Variants in ALG9 observed in about 807,000 individuals in gnomAD.
The protein encoded by ALG9 is ALG9 alpha-1,2-mannosyltransferase.
Under a neutral mutation model 81.8 loss-of-function variants are expected in ALG9, and 55 were observed. That is an observed-to-expected ratio of 0.67 (90% CI 0.54 to 0.84). ALG9 has a LOEUF of 0.84. Ranked by LOEUF, ALG9 falls within the 40% of genes least tolerant of loss-of-function variation. The pLI is 0.00. For missense variants in ALG9, 629 were observed against 745.0 expected, an observed-to-expected ratio of 0.84 and a Z score of 1.81; for synonymous variants, 278 against 274.3, an observed-to-expected ratio of 1.01 and a Z score of -0.13.
At chr11:111,848,937 A>G (rs1957332126) in intron 8 of ALG9, among the ~76,000 whole-genome samples, 1 of 152,164 alleles carries the variant, frequency 6.6e-6, no homozygotes, top group Non-Finnish European at 1.5e-5. Context: ...GTAGCACATA[A>G]AACACTGTCC....
At chr11:111,788,464 C>T (rs782312299) in intron 14 of ALG9, 4 of 453,918 alleles carry the variant, frequency 8.8e-6, no homozygotes, top group Non-Finnish European at 1.8e-5. Context: ...AAGTTAATGG[C>T]CAGGCACGGT....
At chr11:111,862,518 AAC>A (rs1960651095) in intron 4 of ALG9, among the ~76,000 whole-genome samples, 1 of 150,730 alleles carries the variant, frequency 6.6e-6, no homozygotes, top group African/African-American at 2.4e-5. Context: ...ACAGGCATAA[AAC>A]ACCGTGCCCA....
At chr11:111,844,347 G>C (rs903423230) in intron 9 of ALG9, among the ~76,000 whole-genome samples, 12 of 152,140 alleles carry the variant, frequency 7.9e-5, no homozygotes, top group Non-Finnish European at 1.6e-4. Flanking sequence ...CTGGGTGATT[G>C]TGTAAATTAT....
At chr11:111,791,378 G>A (rs1947382389) in intron 14 of ALG9, among the ~76,000 whole-genome samples, 1 of 152,212 alleles carries the variant, frequency 6.6e-6, no homozygotes, top group Admixed American at 6.5e-5. Flanking sequence ...GTAGGTAAGT[G>A]TATAAGCAGC....
Position 111,838,209 on chromosome 11 carries a change from G to T in ALG9, c.1324+40C>A, listed in dbSNP as rs782355439. The T allele has an allele frequency of 9.9e-6, 16 of 1,611,088 alleles. No homozygotes were observed. The African/African-American group carries it at 2.1e-4, about 22-fold the overall frequency. ...AATCAAGTAAAACCTAAGAGCAAGT[G>T]ACTCGTCAGTGTAGGTTAAGATATT... On this transcript the variant is annotated intron_variant, in intron 11 of 14. Coordinates refer to ENST00000616540, the MANE Select transcript of ALG9 (RefSeq NM_024740.2).
chr11:111,854,540 G>A (rs1464217709), intron 6 of ALG9, among the ~76,000 whole-genome samples: 1 of 152,062 alleles, frequency 6.6e-6, no homozygotes, highest in African/African-American at 2.4e-5. Context: ...CAAAGTGCTG[G>A]AATTACAGGC....
intron 4 of ALG9, among the ~76,000 whole-genome samples, chr11:111,862,239 CTTTTTTTTT>C (rs782528613): frequency 7.6e-6 from 1 of 131,388 alleles, no homozygotes; most frequent in African/African-American, 2.8e-5. Context: ...TCTTTTTTTT[CTTTTTTTTT>C]TTTTTTTTAG....
chr11:111,785,967 C>A lies in ALG9; in HGVS notation c.*430G>T, dbSNP rs1946415552. The A allele has an allele frequency of 2.2e-6, 1 of 451,588 alleles. No homozygotes were observed. The highest frequency in any genetic ancestry group is 4.4e-6 in the Non-Finnish European group (1 of 224,884). 28.0% of individuals were successfully genotyped at this position (451,588 alleles called of 1,614,324 possible). ...CTGCCAAACAGCTTTGGTGGAGAAG[C>A]CCATATGGCCTAAGAGAGGCTTGCT... On this transcript the variant is annotated 3_prime_UTR_variant, in exon 15 of 15. Coordinates refer to ENST00000616540, the MANE Select transcript of ALG9 (RefSeq NM_024740.2).
At chr11:111,848,538 C>T (rs980092168) in intron 8 of ALG9, among the ~76,000 whole-genome samples, 3 of 145,626 alleles carry the variant, frequency 2.1e-5, no homozygotes, top group South Asian at 4.3e-4. Flanking sequence ...TGCGGGGAGT[C>T]GAGGTCACCC....
Position 111,786,274 on chromosome 11 carries a change from G to C in ALG9, c.*123C>G. On this transcript the variant is annotated 3_prime_UTR_variant, in exon 15 of 15. Transcript: ENST00000616540. The stretch of plus-strand genomic sequence containing the variant: ...GACTTTGACTAGCCCAGAGCACCCA[G>C]ATTCCAGTATTCATGTCAGAAGACC... 1 of 1,471,550 alleles carries C rather than the reference G, an allele frequency of 6.8e-7. No individual in the cohort carries two copies. Among genetic ancestry groups the C allele is most frequent in the Non-Finnish European group, 9.5e-7 (1 of 1,054,610 alleles). 91.2% of individuals were successfully genotyped at this position (1,471,550 alleles called of 1,614,324 possible).
intron 8 of ALG9, among the ~76,000 whole-genome samples, chr11:111,850,724 A>AAAAAAAAAAAAAAAAAAAAAAAAC (rs71057091): frequency 6.9e-6 from 1 of 143,946 alleles, no homozygotes; most frequent in African/African-American, 2.6e-5. Context: ...AAAAAAAAAA[A>AAAAAAAAAAAAAAAAAAAAAAAAC]TCAGACAAAA....
At chr11:111,868,811 C>T in intron 2 of ALG9, 75 bp from the exon 3 acceptor site, 4 of 1,433,272 alleles carry the variant, frequency 2.8e-6, no homozygotes, top group Non-Finnish European at 3.7e-6. Context: ...AGTGAAGTTT[C>T]TGAGCAGAAA....
the ALG9 span, among the ~76,000 whole-genome samples, chr11:111,773,031 G>A: frequency 2.9e-3 from 435 of 151,788 alleles, 1 homozygote; most frequent in Non-Finnish European, 4.9e-3. Context: ...GAGGTCAGGA[G>A]ATCGAGACCA....
Position 111,865,206 on chromosome 11 carries a change from A to G in ALG9, c.451T>C (p.Cys151Arg). Reference sequence around the variant, plus strand: ...TTGTAAAAGTAAAGTTCACAAATACAGCTCACAAAAGCCAGAAGACATCGC... The same window carrying G: ...TTGTAAAAGTAAAGTTCACAAATACGGCTCACAAAAGCCAGAAGACATCGC... ...FLRCLLAFVS[C>R]ICELYFYKAV... Residue 151 changes from cysteine to arginine, a missense_variant, in exon 4 of 15, where the codon TGT becomes CGT. Physicochemically the swap from Cys to Arg is radical, Grantham distance 180. This residue lies in a region of ALG9 where 344 missense variants were observed against 390.5 expected (regional missense o/e 0.88). Transcript: ENST00000616540. 6.5e-7 allele frequency: 1 copy of G among 1,550,182 alleles called. No individual in the cohort carries two copies. The highest frequency in any genetic ancestry group is 8.7e-7 in the Non-Finnish European group (1 of 1,147,132).
intron 5 of ALG9, among the ~76,000 whole-genome samples, chr11:111,858,358 T>C (rs185369152): frequency 6.6e-6 from 1 of 152,340 alleles, no homozygotes; most frequent in East Asian, 1.9e-4. Flanking sequence ...CACCCCATGA[T>C]TATATTTCCA....
At chr11:111,813,661 C>A (rs550080213) in intron 13 of ALG9, among the ~76,000 whole-genome samples, 1 of 152,230 alleles carries the variant, frequency 6.6e-6, no homozygotes, top group Admixed American at 6.5e-5. Flanking sequence ...ATCAACAAGA[C>A]AAAGACAAAC....
At chr11:111,810,288 C>T (rs1337320000) in intron 13 of ALG9, among the ~76,000 whole-genome samples, 4 of 152,110 alleles carry the variant, frequency 2.6e-5, no homozygotes, top group South Asian at 2.1e-4. Context: ...GACATTGGAA[C>T]GGCTCCTGCA....
In ALG9 at chr11:111,868,683, T is replaced by G. The variant is rs782085471; in HGVS notation, c.324A>C (p.Ala108=). Residue 108 remains alanine (A), a synonymous_variant, in exon 3 of 15, where the codon GCA becomes GCC. Coordinates refer to ENST00000616540, the MANE Select transcript of ALG9 (RefSeq NM_024740.2). ...EGFQTWEYSP[A]YAIRSYAYLL... ...GGTAAGCATAGGAGCGAATGGCATA[T>G]GCTGGGGAATATTCCCAAGTCTGAA... 6.2e-6 allele frequency: 10 copies of G among 1,613,756 alleles called. No homozygotes were observed. Among genetic ancestry groups the G allele is most frequent in the Non-Finnish European group, 8.5e-6 (10 of 1,179,800 alleles).
At chr11:111,858,460 G>T (rs1434337296) in intron 5 of ALG9, among the ~76,000 whole-genome samples, 1 of 152,146 alleles carries the variant, frequency 6.6e-6, no homozygotes, top group African/African-American at 2.4e-5. Context: ...AGACTGTCCT[G>T]GTCCTAACCT....
Sources: gnomAD v4.1 joint callset for allele counts (sites outside exome capture counted in the v4.1 genomes callset) on GRCh38, gnomAD v4.1.1 for gene constraint, gnomAD v4.1.1 regional missense constraint, MANE v1.5 for transcripts, NCBI Gene and HGNC (gene_info 2026-07-23, HGNC 2026-07-21) for gene names.